LRRC7: variants seen among roughly 807,000 people sequenced by gnomAD.
The protein encoded by LRRC7 is leucine-rich repeat-containing protein 7.
In LRRC7, 23 loss-of-function variants were observed where a neutral mutation model predicts 175.7. The ratio of observed to expected loss-of-function variants is 0.13; its 90% CI spans 0.09 to 0.19. LRRC7 has a LOEUF of 0.19. LRRC7 is among the 10% of genes least tolerant of loss of function. LRRC7 has a pLI of 1.00. For synonymous variants in LRRC7, 685 were observed against 680.9 expected (o/e 1.01, Z -0.09); for missense variants, 1,354 against 1,904.7 (o/e 0.71, Z 5.38).
chr1:69,755,403 A>AGT (rs1229521797), intron 2 of LRRC7, among the ~76,000 whole-genome samples: 1 of 148,998 alleles, frequency 6.7e-6, no homozygotes, highest in South Asian at 2.1e-4. Flanking sequence ...TATATGCAAA[A>AGT]GTATATATAT....
chr1:69,654,065 C>T (rs1017063152), intron 1 of LRRC7, among the ~76,000 whole-genome samples: 2 of 151,462 alleles, frequency 1.3e-5, no homozygotes, highest in African/African-American at 4.8e-5. Context: ...ATTAATAATC[C>T]TGTAATGTAC....
rs1557463007 is a variant in LRRC7, at chr1:69,600,795, G to GTTTTTTTT, written c.2+32154_2+32155insTTTTTTTT. On this transcript the variant is annotated intron_variant, in intron 1 of 26. Transcript: ENST00000651989. ...ATTAGCCATTTCTCCAAGGATCTCT[G>GTTTTTTTT]GTTTCTTTTTTTTTTTTTTTTTTTT... Among the ~76,000 whole-genome samples the GTTTTTTTT allele has an allele frequency of 5.1e-4, 2 of 3,938 alleles. 1 individual carries two copies. Among genetic ancestry groups the GTTTTTTTT allele is most frequent in the Non-Finnish European group, 8.2e-4 (2 of 2,430 alleles). 2.6% of individuals were successfully genotyped at this position (3,938 alleles called of 152,430 possible).
In LRRC7 at chr1:70,083,294, G is replaced by T. The variant is rs74561479; in HGVS notation, c.4453-6433G>T. On this transcript the variant is annotated intron_variant, in intron 24 of 26. Coordinates refer to ENST00000651989, the MANE Select transcript of LRRC7 (RefSeq NM_001370785.2). ...TATCAGAAATTTTGGAAAATGCAGAGAAATTTTATGTGTATTTTGTATGGC... is the reference window on the plus strand; with the variant it reads ...TATCAGAAATTTTGGAAAATGCAGATAAATTTTATGTGTATTTTGTATGGC... Among the ~76,000 whole-genome samples the T allele has an allele frequency of 3.3e-3, 503 of 152,210 alleles. 1 individual carries two copies. The highest frequency in any genetic ancestry group is 0.012 in the African/African-American group (489 of 41,536).
intron 18 of LRRC7, among the ~76,000 whole-genome samples, chr1:70,030,680 A>G (rs555651880): frequency 6.6e-6 from 1 of 152,336 alleles, no homozygotes; most frequent in South Asian, 2.1e-4. Flanking sequence ...ACTGCATGAT[A>G]TATTTATTCA....
intron 1 of LRRC7, among the ~76,000 whole-genome samples, chr1:69,667,078 G>C (rs535016896): frequency 6.6e-6 from 1 of 152,110 alleles, no homozygotes; most frequent in South Asian, 2.1e-4. Context: ...TTATTCAGGA[G>C]CATATCATTT....
At chr1:69,706,654 A>G (rs898919770) in intron 2 of LRRC7, among the ~76,000 whole-genome samples, 16 of 152,184 alleles carry the variant, frequency 1.1e-4, no homozygotes. Flanking sequence ...GGCAGAGGAG[A>G]TAAGATTTAA....
intron 4 of LRRC7, among the ~76,000 whole-genome samples, chr1:69,811,153 A>G (rs545604507): frequency 6.6e-6 from 1 of 152,344 alleles, no homozygotes; most frequent in South Asian, 2.1e-4. Flanking sequence ...TATGCAGCCA[A>G]CAAACATATG....
chr1:69,572,944 G>T (rs1645797016), intron 1 of LRRC7, among the ~76,000 whole-genome samples: 1 of 152,018 alleles, frequency 6.6e-6, no homozygotes, highest in Admixed American at 6.6e-5. Flanking sequence ...GTAATTAAAA[G>T]CATGCCATTT....
intron 2 of LRRC7, among the ~76,000 whole-genome samples, chr1:69,688,957 T>G (rs1229693095): frequency 2.6e-5 from 4 of 152,202 alleles, no homozygotes; most frequent in Non-Finnish European, 5.9e-5. Context: ...CAAAATATTT[T>G]ATGGTTGTGA....
At chr1:69,936,558 T>C (rs1415311603) in intron 8 of LRRC7, among the ~76,000 whole-genome samples, 4 of 152,200 alleles carry the variant, frequency 2.6e-5, no homozygotes, top group African/African-American at 9.7e-5. Flanking sequence ...TTGCAGGTTT[T>C]TATTTTTTCT....
chr1:70,055,340 G>A (rs1421571930), intron 23 of LRRC7, among the ~76,000 whole-genome samples: 3 of 152,144 alleles, frequency 2.0e-5, no homozygotes, highest in Non-Finnish European at 4.4e-5. Flanking sequence ...GAAAGGACAT[G>A]ATCAAGTTTT....
intron 8 of LRRC7, among the ~76,000 whole-genome samples, chr1:69,973,372 C>T (rs1222885311): frequency 6.6e-6 from 1 of 151,810 alleles, no homozygotes; most frequent in Non-Finnish European, 1.5e-5. Flanking sequence ...CAAAATCTCA[C>T]AAATCACCAC....
intron 10 of LRRC7, among the ~76,000 whole-genome samples, chr1:69,988,285 C>A (rs1233010652): frequency 2.6e-5 from 4 of 152,128 alleles, no homozygotes; most frequent in African/African-American, 4.8e-5. Flanking sequence ...TTTAGCCACA[C>A]TCACCCAGGC....
intron 1 of LRRC7, among the ~76,000 whole-genome samples, chr1:69,580,735 G>T (rs1283671785): frequency 6.6e-6 from 1 of 152,148 alleles, no homozygotes; most frequent in Non-Finnish European, 1.5e-5. Flanking sequence ...AGACACGGTT[G>T]AGTACAAACC....
intron 7 of LRRC7, among the ~76,000 whole-genome samples, chr1:69,880,321 G>A (rs1359391904): frequency 2.0e-5 from 3 of 152,286 alleles, no homozygotes; most frequent in African/African-American, 7.2e-5. Context: ...GGAGGTGAGA[G>A]GACATCAGGA....
Position 70,127,354 on chromosome 1 carries a change from T to C in LRRC7, c.*5467T>C, listed in dbSNP as rs1400697357. ...GGATATAAATTGCACAGCTTCTACT[T>C]TGGAGAATTCAGAGATTTTTGAAAA... On this transcript the variant is annotated 3_prime_UTR_variant, in exon 27 of 27. Coordinates refer to ENST00000651989, the MANE Select transcript of LRRC7 (RefSeq NM_001370785.2). Among the ~76,000 whole-genome samples, 3 of 152,156 alleles carry C rather than the reference T, an allele frequency of 2.0e-5. No individual in the cohort carries two copies. The highest frequency in any genetic ancestry group is 4.4e-5 in the Non-Finnish European group (3 of 68,020).
intron 5 of LRRC7, among the ~76,000 whole-genome samples, chr1:69,834,305 A>T (rs1208543394): frequency 1.3e-5 from 2 of 152,150 alleles, no homozygotes; most frequent in African/African-American, 4.8e-5. Context: ...TTCACTTTTC[A>T]TACTGGGCAA....
intron 3 of LRRC7, among the ~76,000 whole-genome samples, chr1:69,776,984 C>A (rs1280142619): frequency 1.3e-5 from 2 of 152,118 alleles, no homozygotes; most frequent in Non-Finnish European, 2.9e-5. Context: ...TCAATGGAGT[C>A]TTCCCTGTGT....
At chr1:69,583,208 C>T (rs982246072) in intron 1 of LRRC7, among the ~76,000 whole-genome samples, 1 of 151,682 alleles carries the variant, frequency 6.6e-6, no homozygotes, top group African/African-American at 2.4e-5. Flanking sequence ...CATTCAAAAC[C>T]TTATATATTT....
Sources: gnomAD v4.1 joint callset for allele counts (sites outside exome capture counted in the v4.1 genomes callset) on GRCh38, gnomAD v4.1.1 for gene constraint, MANE v1.5 for transcripts, NCBI Gene and HGNC (gene_info 2026-07-23, HGNC 2026-07-21) for gene names.